Variants in VPS13C observed in about 807,000 individuals in gnomAD.
The protein encoded by VPS13C is intermembrane lipid transfer protein VPS13C.
A neutral mutation model predicts 456.8 loss-of-function variants in VPS13C; 358 were observed. The observed-to-expected ratio is 0.78, with a 90% CI of 0.72 to 0.86. The LOEUF (loss-of-function observed/expected upper bound fraction) is 0.86, where lower values mean the gene tolerates loss of function less well. Ranked by LOEUF, VPS13C falls within the 40% of genes least tolerant of loss-of-function variation. The probability of loss-of-function intolerance (pLI) is 0.00; values close to 1 mark genes in which losing one functional copy is unlikely to be tolerated. For missense variants in VPS13C, 4,818 were observed against 4,385.4 expected (o/e 1.10, Z -2.79); for synonymous variants, 1,578 against 1,486.7 (o/e 1.06, Z -1.41).
Position 61,854,041 on chromosome 15 carries a change from C to CA in VPS13C, c.*415dup, listed in dbSNP as rs5813124. 0.53 allele frequency: 72,361 copies of CA among 136,964 alleles called. 17,483 individuals are homozygous for CA. Among genetic ancestry groups the CA allele is most frequent in the Admixed American group, 0.61 (8,789 of 14,474 alleles). The allele number at this position is 136,964 out of a possible 1,614,324, so 8.5% of individuals were successfully genotyped here. ...TGGGCGACAGAGCAAGACTCGGTCT[C>CA]AAAAAAAAAAAAAACCCCAAAAAAA... is the stretch of plus-strand genomic sequence containing the variant. On this transcript the variant is annotated 3_prime_UTR_variant, in exon 85 of 85. Transcript: ENST00000644861.
chr15:61,978,791 A>C lies in VPS13C; in HGVS notation c.2167-42T>G, dbSNP rs376757037. ...ATTTCAATTTTTTTTTCCAAAACAG[A>C]AAAGCACATACATCAACATACTTTA... On this transcript the variant is annotated intron_variant, in intron 22 of 84. Coordinates refer to ENST00000644861, the MANE Select transcript of VPS13C (RefSeq NM_020821.3). 198 of 1,564,810 alleles carry C rather than the reference A, an allele frequency of 1.3e-4. No individual in the cohort carries two copies. The African/African-American group carries it at 2.5e-3, about 20-fold the overall frequency.
chr15:62,004,487 A>AT (rs1052467906), intron 15 of VPS13C, among the ~76,000 whole-genome samples: 4 of 148,804 alleles, frequency 2.7e-5, no homozygotes, highest in Admixed American at 2.7e-4. Flanking sequence ...GGATTCATTA[A>AT]TTTTTTGAAG....
At chr15:61,905,288 A>C (rs557399003) in intron 66 of VPS13C, among the ~76,000 whole-genome samples, 1 of 152,324 alleles carries the variant, frequency 6.6e-6, no homozygotes, top group Admixed American at 6.5e-5. Flanking sequence ...AATTAAAATC[A>C]ACATCTTTAC....
chr15:61,876,427 A>G (rs1187288578), intron 75 of VPS13C, among the ~76,000 whole-genome samples: 2 of 152,058 alleles, frequency 1.3e-5, no homozygotes, highest in African/African-American at 4.8e-5. Context: ...CCAAAACAAA[A>G]AAAAGGGAAA....
chr15:61,967,785 A>G (rs558058704), intron 28 of VPS13C, among the ~76,000 whole-genome samples: 1 of 152,108 alleles, frequency 6.6e-6, no homozygotes, highest in South Asian at 2.1e-4. Context: ...AAAAGAGGAA[A>G]GCTTTGTTTT....
rs1895956623 is a variant in VPS13C at position 61,882,739 on chromosome 15, A to G, written c.9484-3T>C. On this transcript the variant is annotated splice_polypyrimidine_tract_variant and splice_region_variant and intron_variant, in intron 68 of 84. Coordinates refer to ENST00000644861, the MANE Select transcript of VPS13C (RefSeq NM_020821.3). Reference sequence around the variant, plus strand: ...ATTGGATCTTTATCAAAATTGACCTAGAAAAAAAGCACATGTTTTTGTGAT... The same window carrying G: ...ATTGGATCTTTATCAAAATTGACCTGGAAAAAAAGCACATGTTTTTGTGAT... 6.3e-7 allele frequency: 1 copy of G among 1,586,340 alleles called. No individual in the cohort carries two copies. Among genetic ancestry groups the G allele is most frequent in the Admixed American group, 1.8e-5 (1 of 54,560 alleles).
chr15:61,998,112 C>CAGGT (rs1329304563), intron 16 of VPS13C, among the ~76,000 whole-genome samples: 2 of 152,148 alleles, frequency 1.3e-5, no homozygotes, highest in African/African-American at 4.8e-5. Context: ...CTGAATGAGC[C>CAGGT]AGGTATGTTC....
rs1292288698 is a variant in VPS13C, at chr15:61,983,894, T to C, written c.1840A>G (p.Thr614Ala). Residue 614 changes from threonine (T) to alanine (A), a missense_variant, in exon 20 of 85, where the codon ACC becomes GCC. By Grantham distance (58) the Thr-to-Ala change is moderately conservative. Around this residue, in one of 3 missense-constraint regions of VPS13C, gnomAD observed 4,552 missense variants for 4,130.6 expected, o/e 1.10. Transcript: ENST00000644861. ...TCAGCAGGACTATCCTCCGGATTGG[T>C]TTCAAATTTAATTTTAAGCAAGGAT... ...TSSLLKIKFE[T>A]NPEDSPADQT... 3 of 1,613,964 alleles carry C rather than the reference T, an allele frequency of 1.9e-6. No individual in the cohort carries two copies. Among genetic ancestry groups the C allele is most frequent in the Non-Finnish European group, 2.5e-6 (3 of 1,180,012 alleles).
rs1290887186 is a variant in VPS13C at position 61,954,420 on chromosome 15, C to T, written c.4299+1G>A. ...TACAAAAACAGATGAAAATTACACA[C>T]CTCTTTAATTTCAAAATTCAGCAGC... On this transcript the variant is annotated splice_donor_variant, in intron 38 of 84. Transcript: ENST00000644861. LOFTEE classifies it high-confidence loss of function. 1.9e-6 allele frequency: 3 copies of T among 1,603,140 alleles called. No homozygotes were observed. Among genetic ancestry groups the T allele is most frequent in the South Asian group, 1.1e-5 (1 of 87,506 alleles).
chr15:61,903,405 A>C (rs969426205), intron 66 of VPS13C, among the ~76,000 whole-genome samples: 1 of 151,476 alleles, frequency 6.6e-6, no homozygotes, highest in Admixed American at 6.6e-5. Flanking sequence ...CAAGAAAGCA[A>C]TACCATTTAC....
At chr15:61,912,786 T>A (rs1217486128) in intron 62 of VPS13C, among the ~76,000 whole-genome samples, 1 of 82,280 alleles carries the variant, frequency 1.2e-5, no homozygotes, top group Non-Finnish European at 2.3e-5. Flanking sequence ...ATGCTATCCC[T>A]CCCCCCTCCC....
intron 80 of VPS13C, among the ~76,000 whole-genome samples, chr15:61,869,274 C>G (rs936127208): frequency 1.3e-5 from 2 of 151,916 alleles, no homozygotes; most frequent in Non-Finnish European, 2.9e-5. Context: ...CCCGCCACCA[C>G]GCCCAACTAA....
At position 61,978,575 on chromosome 15, in the gene VPS13C, A is replaced by G. The variant is rs1169789065; in HGVS notation, c.2290+51T>C. ...GCACACATATATACACGTATATTAC[A>G]CAAACTACCCATCATAATCCCAAGA... On this transcript the variant is annotated intron_variant, in intron 23 of 84. Transcript: ENST00000644861. 9.5e-6 allele frequency: 15 copies of G among 1,585,280 alleles called. No homozygotes were observed. In the Admixed American group the frequency reaches 2.7e-4, roughly 28 times the overall value.
intron 37 of VPS13C, 62 bp from the exon 38 acceptor site, chr15:61,954,616 G>A: frequency 6.7e-7 from 1 of 1,497,776 alleles, no homozygotes. Flanking sequence ...AATATTTATT[G>A]TGGACTTATA....
At chr15:61,959,318 G>T in intron 36 of VPS13C, 130 bp downstream of exon 36, 2 of 726,228 alleles carry the variant, frequency 2.8e-6, no homozygotes, top group African/African-American at 1.8e-5. Context: ...TGATCTTGTT[G>T]GACAAAGTCT....
chr15:61,889,502 A>G (rs1365985533), intron 67 of VPS13C, among the ~76,000 whole-genome samples: 1 of 152,108 alleles, frequency 6.6e-6, no homozygotes, highest in African/African-American at 2.4e-5. Flanking sequence ...TATCATGTCA[A>G]CCATTCCACC....
intron 75 of VPS13C, among the ~76,000 whole-genome samples, chr15:61,876,178 A>C (rs1245695699): frequency 6.6e-6 from 1 of 152,016 alleles, no homozygotes; most frequent in Non-Finnish European, 1.5e-5. Context: ...CATGCCTGTA[A>C]TCCCAACAGT....
intron 53 of VPS13C, 91 bp from the exon 54 acceptor site, chr15:61,922,853 T>C: frequency 1.0e-6 from 1 of 982,366 alleles, no homozygotes; most frequent in Non-Finnish European, 1.4e-6. Context: ...ATACATTAAT[T>C]ATAAGTGACA....
At chr15:61,967,797 G>GT (rs981404357) in intron 28 of VPS13C, among the ~76,000 whole-genome samples, 2 of 151,354 alleles carry the variant, frequency 1.3e-5, no homozygotes, top group Non-Finnish European at 3.0e-5. Context: ...CTTTGTTTTT[G>GT]TTTTTTTTCC....
Sources: gnomAD v4.1 joint callset for allele counts (sites outside exome capture counted in the v4.1 genomes callset) on GRCh38, gnomAD v4.1.1 for gene constraint, gnomAD v4.1.1 regional missense constraint, MANE v1.5 for transcripts, NCBI Gene and HGNC (gene_info 2026-07-23, HGNC 2026-07-21) for gene names.